The following SWT1 variants were observed in gnomAD, a reference collection of about 807,000 sequenced individuals.
SWT1 encodes the protein SWT1 RNA endoribonuclease homolog, also known as transcriptional protein SWT1.
SWT1 carries 33 observed loss-of-function variants against 107.3 expected under a neutral mutation model. That is an observed-to-expected ratio of 0.31 (90% CI 0.23 to 0.41). The LOEUF (loss-of-function observed/expected upper bound fraction) is 0.41, where lower values mean the gene tolerates loss of function less well. SWT1 is among the 10% of genes least tolerant of loss of function. SWT1 has a pLI of 1.00. For synonymous variants in SWT1, 345 were observed against 348.3 expected (o/e 0.99, Z 0.11); for missense variants, 898 against 1,028.9 (o/e 0.87, Z 1.74).
At chr1:185,214,396 T>G (rs1659058283) in intron 13 of SWT1, 111 bp from the exon 14 acceptor site, 1 of 743,904 alleles carries the variant, frequency 1.3e-6, no homozygotes, top group East Asian at 2.8e-5. Context: ...GGCATATAGG[T>G]ATAAATGTAT....
intron 18 of SWT1, among the ~76,000 whole-genome samples, chr1:185,289,557 C>T (rs1447902467): frequency 6.6e-6 from 1 of 152,124 alleles, no homozygotes; most frequent in Admixed American, 6.6e-5. Flanking sequence ...TATCTGCACT[C>T]CAATGTTCAT....
At chr1:185,233,669 T>A (rs1160971946) in intron 16 of SWT1, among the ~76,000 whole-genome samples, 8 of 152,184 alleles carry the variant, frequency 5.3e-5, no homozygotes, top group Non-Finnish European at 1.2e-4. Flanking sequence ...TCTGAGAGAC[T>A]GTTTGTTATG....
intron 2 of SWT1, among the ~76,000 whole-genome samples, chr1:185,163,715 G>A (rs1654352135): frequency 6.6e-6 from 1 of 152,150 alleles, no homozygotes; most frequent in Non-Finnish European, 1.5e-5. Context: ...TTTATTATGA[G>A]ATGATAGAAA....
At chr1:185,178,436 GT>G (rs1655748958) in intron 5 of SWT1, among the ~76,000 whole-genome samples, 1 of 152,144 alleles carries the variant, frequency 6.6e-6, no homozygotes, top group Non-Finnish European at 1.5e-5. Context: ...ATATAATTGT[GT>G]TTTCCATTTG....
chr1:185,237,552 G>A (rs971047212), intron 16 of SWT1, among the ~76,000 whole-genome samples: 1 of 152,098 alleles, frequency 6.6e-6, no homozygotes, highest in Admixed American at 6.6e-5. Context: ...GGCCTGTCAG[G>A]GTGGGGTCTA....
At chr1:185,162,344 T>C (rs1220709638) in intron 2 of SWT1, among the ~76,000 whole-genome samples, 1 of 152,254 alleles carries the variant, frequency 6.6e-6, no homozygotes, top group East Asian at 1.9e-4. Context: ...TTGACATAGC[T>C]AATTACACCT....
At chr1:185,256,513 C>T (rs1305132272) in intron 16 of SWT1, among the ~76,000 whole-genome samples, 4 of 150,598 alleles carry the variant, frequency 2.7e-5, no homozygotes, top group Non-Finnish European at 4.4e-5. Context: ...CTTGCCTTCT[C>T]GCTTCATTTC....
At chr1:185,224,205 T>C (rs1431094657) in intron 15 of SWT1, among the ~76,000 whole-genome samples, 2 of 152,206 alleles carry the variant, frequency 1.3e-5, no homozygotes, top group Non-Finnish European at 2.9e-5. Flanking sequence ...TTTTTCCCAA[T>C]GTGTGTTCTT....
chr1:185,195,879 G>A (rs1039962340), intron 10 of SWT1, among the ~76,000 whole-genome samples: 2 of 152,048 alleles, frequency 1.3e-5, no homozygotes, highest in Non-Finnish European at 1.5e-5. Flanking sequence ...GGTCTTTGTC[G>A]ATTCTGGATA....
At chr1:185,273,413 T>TA (rs1340124248) in intron 17 of SWT1, among the ~76,000 whole-genome samples, 1 of 138,730 alleles carries the variant, frequency 7.2e-6, no homozygotes, top group African/African-American at 2.7e-5. Flanking sequence ...TCAAAAACAG[T>TA]AAAAATAGGC....
chr1:185,244,568 G>C (rs533293918), intron 16 of SWT1, among the ~76,000 whole-genome samples: 99 of 151,096 alleles, frequency 6.6e-4, no homozygotes, highest in African/African-American at 2.4e-3. Context: ...TGAGTCAGTG[G>C]GTGGGTGGTG....
At chr1:185,283,814 T>C (rs1664790305) in intron 18 of SWT1, among the ~76,000 whole-genome samples, 1 of 152,190 alleles carries the variant, frequency 6.6e-6, no homozygotes, top group Non-Finnish European at 1.5e-5. Flanking sequence ...ACTTCATTCC[T>C]TTTCGTGGCT....
At chr1:185,252,665 G>T (rs1188681855) in intron 16 of SWT1, among the ~76,000 whole-genome samples, 9 of 152,102 alleles carry the variant, frequency 5.9e-5, no homozygotes, top group Middle Eastern at 6.8e-3. Flanking sequence ...TGAGTTCATT[G>T]TAGATTCTGG....
chr1:185,161,042 C>T (rs1378058163), intron 2 of SWT1, 117 bp downstream of exon 2: 2 of 757,568 alleles, frequency 2.6e-6, no homozygotes, highest in Non-Finnish European at 4.2e-6. Flanking sequence ...CTCAGCCGAT[C>T]CAGGAAAAGT....
chr1:185,209,012 C>G (rs1276481953), intron 13 of SWT1, among the ~76,000 whole-genome samples: 1 of 152,116 alleles, frequency 6.6e-6, no homozygotes, highest in Non-Finnish European at 1.5e-5. Context: ...CTTATCTGAA[C>G]TGCTGTGGTC....
At chr1:185,272,798 G>A (rs1206282632) in intron 17 of SWT1, among the ~76,000 whole-genome samples, 1 of 152,132 alleles carries the variant, frequency 6.6e-6, no homozygotes, top group East Asian at 1.9e-4. Flanking sequence ...CACTTCGGGA[G>A]GCTGAGGTCA....
chr1:185,226,901 C>T, intron 15 of SWT1: 1 of 1,319,986 alleles, frequency 7.6e-7, no homozygotes, highest in South Asian at 1.3e-5. Flanking sequence ...TGGGACAGTT[C>T]CACCTCTTCT....
intron 7 of SWT1, 138 bp downstream of exon 7, chr1:185,182,195 T>C: frequency 1.2e-6 from 1 of 842,192 alleles, no homozygotes; most frequent in Non-Finnish European, 1.7e-6. Context: ...AATAGTTTAT[T>C]TTTTAGGTAC....
chr1:185,258,127 C>T (rs1212346852), intron 16 of SWT1: 5 of 151,840 alleles, frequency 3.3e-5, no homozygotes, highest in East Asian at 1.9e-4. Flanking sequence ...TCTACTAGTT[C>T]GGAGGTTGTA....
Sources: allele counts gnomAD v4.1 joint callset (sites outside exome capture counted in the v4.1 genomes callset), GRCh38; gene constraint gnomAD v4.1.1; transcripts MANE v1.5; gene names NCBI Gene and HGNC (gene_info 2026-07-23, HGNC 2026-07-21).